The following EML6 variants were observed in gnomAD, a reference collection of about 807,000 sequenced individuals.
EML6 encodes echinoderm microtubule-associated protein-like 6.
A neutral mutation model predicts 240.1 loss-of-function variants in EML6; 154 were observed. The ratio of observed to expected loss-of-function variants is 0.64; its 90% CI spans 0.56 to 0.73. The LOEUF (loss-of-function observed/expected upper bound fraction) is 0.73. Among genes scored for constraint, EML6 ranks in the 30% least tolerant of loss-of-function variants. EML6 has a pLI of 0.00. For synonymous variants in EML6, 1,148 were observed against 899.0 expected (o/e 1.28, Z -4.95); for missense variants, 2,964 against 2,474.6 (o/e 1.20, Z -4.20).
At chr2:54,961,729 A>T (rs556279721) in intron 35 of EML6, among the ~76,000 whole-genome samples, 32 of 151,028 alleles carry the variant, frequency 2.1e-4, no homozygotes, top group Non-Finnish European at 3.7e-4. Flanking sequence ...CTGGCCAGGC[A>T]TGGTGGCTCA....
chr2:54,849,496 C>T (rs1340576986), intron 9 of EML6, among the ~76,000 whole-genome samples: 2 of 152,192 alleles, frequency 1.3e-5, no homozygotes, highest in African/African-American at 2.4e-5. Flanking sequence ...TCCTAAAATG[C>T]CATAAATTTT....
intron 7 of EML6, among the ~76,000 whole-genome samples, chr2:54,830,373 G>A (rs1016154896): frequency 1.3e-5 from 2 of 152,260 alleles, no homozygotes; most frequent in Middle Eastern, 3.4e-3. Flanking sequence ...GAGCCATGGG[G>A]GTCCACAGGA....
chr2:54,896,428 A>C (rs1339744762), intron 21 of EML6, among the ~76,000 whole-genome samples: 2 of 152,202 alleles, frequency 1.3e-5, no homozygotes, highest in Non-Finnish European at 2.9e-5. Context: ...GTAAAATTGA[A>C]CTAAAATAAA....
At chr2:54,953,265 C>T (rs758236256) in intron 31 of EML6, among the ~76,000 whole-genome samples, 1 of 152,202 alleles carries the variant, frequency 6.6e-6, no homozygotes, top group African/African-American at 2.4e-5. Context: ...TCCCTTGACG[C>T]TTCCTCATTG....
At chr2:54,858,659 T>G (rs1011449065) in intron 11 of EML6, among the ~76,000 whole-genome samples, 1 of 152,228 alleles carries the variant, frequency 6.6e-6, no homozygotes, top group Admixed American at 6.5e-5. Context: ...CCTGATATAA[T>G]GAGGCTTATC....
At chr2:54,949,414 C>T (rs1010869025) in intron 29 of EML6, among the ~76,000 whole-genome samples, 1 of 152,200 alleles carries the variant, frequency 6.6e-6, no homozygotes, top group African/African-American at 2.4e-5. Context: ...GAGGGACGCA[C>T]CATTACTGTT....
Position 54,964,687 on chromosome 2 carries a change from G to C in EML6, c.5447G>C (p.Ser1816Thr), listed in dbSNP as rs1676673912. The change falls in exon 38 of 42, where the codon AGC (serine) becomes ACC (threonine). Residue 1816 changes from serine (S) to threonine (T), a missense_variant. By Grantham distance (58) the Ser-to-Thr change is moderately conservative. Transcript: ENST00000356458. ...NRIGYCKDIP[S>T]FVIQMDFSAD... is the part of the protein sequence containing the mutation. The stretch of plus-strand genomic sequence containing the variant: ...ATTGGCTACTGCAAAGATATCCCAA[G>C]CTTTGTCATTCAGATGGATTTTTCT... 4 of 1,552,200 alleles carry C rather than the reference G, an allele frequency of 2.6e-6. No homozygotes were observed. In the East Asian group the frequency reaches 9.8e-5, roughly 38 times the overall value.
chr2:54,911,021 G>A lies in EML6; in HGVS notation c.3477G>A (p.Arg1159=), dbSNP rs1473588733. The A allele has an allele frequency of 2.0e-6, 3 of 1,531,836 alleles. No homozygotes were observed. The highest frequency in any genetic ancestry group is 1.2e-5 in the South Asian group (1 of 82,306). 94.9% of individuals were successfully genotyped at this position (1,531,836 alleles called of 1,614,324 possible). A position where few individuals can be genotyped will look rare whatever the true frequency, so the allele number is the denominator to read the frequency against. The change falls in exon 25 of 42, where the codon CGG becomes CGA. Residue 1159 remains arginine (R), a synonymous_variant. Transcript: ENST00000356458. ...TTTTTGAAGCTCCAAGAGGCAAACG[G>A]CATATAATAAGACCTTCAGAGGTAA... ...QLFFEAPRGK[R]HIIRPSEIEK... is the part of the protein sequence containing the mutation.
intron 26 of EML6, among the ~76,000 whole-genome samples, chr2:54,922,058 A>G (rs1425325334): frequency 3.3e-5 from 5 of 152,020 alleles, no homozygotes; most frequent in Non-Finnish European, 7.3e-5. Flanking sequence ...CAAAAACAAA[A>G]GCAAGTGAGA....
intron 25 of EML6, among the ~76,000 whole-genome samples, chr2:54,915,476 A>G (rs1673862328): frequency 6.6e-6 from 1 of 152,110 alleles, no homozygotes; most frequent in Non-Finnish European, 1.5e-5. Flanking sequence ...TAAGGGGTTG[A>G]GGGACTCCAA....
At chr2:54,742,792 G>T (rs1375733190) in intron 2 of EML6, among the ~76,000 whole-genome samples, 1 of 152,148 alleles carries the variant, frequency 6.6e-6, no homozygotes, top group Non-Finnish European at 1.5e-5. Context: ...AAAGTGAGTT[G>T]AAGAATGACA....
intron 18 of EML6, among the ~76,000 whole-genome samples, 169 bp downstream of exon 18, chr2:54,891,323 ACT>A (rs1237740746): frequency 1.3e-5 from 2 of 152,154 alleles, no homozygotes; most frequent in Non-Finnish European, 2.9e-5. Context: ...AGCTTAGAAC[ACT>A]CTATATGACG....
At chr2:54,799,722 C>A (rs1190965673) in intron 2 of EML6, among the ~76,000 whole-genome samples, 2 of 152,088 alleles carry the variant, frequency 1.3e-5, no homozygotes, top group African/African-American at 4.8e-5. Flanking sequence ...GAGTAAAACG[C>A]TTACTATCTG....
At chr2:54,873,267 T>C (rs1221424793) in intron 16 of EML6, among the ~76,000 whole-genome samples, 2 of 152,198 alleles carry the variant, frequency 1.3e-5, no homozygotes, top group Admixed American at 1.3e-4. Context: ...GCTGTATCAT[T>C]ATTAGAAGTT....
chr2:54,869,011 A>G (rs1168146616), intron 14 of EML6, 170 bp from the exon 15 acceptor site: 38 of 518,118 alleles, frequency 7.3e-5, no homozygotes, highest in Middle Eastern at 9.7e-4. Flanking sequence ...GAGTCATCTC[A>G]TGCCCTCAGA....
chr2:54,816,962 T>C, intron 4 of EML6, 77 bp downstream of exon 4: 1 of 851,214 alleles, frequency 1.2e-6, no homozygotes, highest in African/African-American at 1.7e-5. Context: ...AGACTTCTAA[T>C]GTTTTTAACA....
chr2:54,851,682 T>C (rs1372942399), intron 10 of EML6, among the ~76,000 whole-genome samples: 1 of 152,240 alleles, frequency 6.6e-6, no homozygotes. Context: ...TCCAAGTCTT[T>C]TGCTTTATCT....
intron 2 of EML6, among the ~76,000 whole-genome samples, chr2:54,798,507 C>G (rs115605214): frequency 6.6e-6 from 1 of 152,264 alleles, no homozygotes; most frequent in Admixed American, 6.5e-5. Flanking sequence ...AGCTATACAT[C>G]TTTTTGTTAA....
intron 5 of EML6, among the ~76,000 whole-genome samples, chr2:54,823,547 G>T (rs1288493935): frequency 6.6e-6 from 1 of 152,118 alleles, no homozygotes. Flanking sequence ...TGTTTTATTA[G>T]TCAAAGATGT....
Sources: gnomAD v4.1 joint callset for allele counts (sites outside exome capture counted in the v4.1 genomes callset) on GRCh38, gnomAD v4.1.1 for gene constraint, MANE v1.5 for transcripts, NCBI Gene and HGNC (gene_info 2026-07-23, HGNC 2026-07-21) for gene names.